The following FAM107B variants were observed in gnomAD, a reference collection of about 807,000 sequenced individuals.
FAM107B encodes the protein family with sequence similarity 107 member B.
A neutral mutation model predicts 31.5 loss-of-function variants in FAM107B; 21 were observed. That is an observed-to-expected ratio of 0.67 (90% CI 0.47 to 0.96). The LOEUF is 0.96. Among genes scored for constraint, FAM107B ranks in the 40% least tolerant of loss-of-function variants. The probability of loss-of-function intolerance (pLI) is 0.00; values close to 1 mark genes in which losing one functional copy is unlikely to be tolerated. For missense variants in FAM107B, 452 were observed against 377.1 expected (o/e 1.20, Z -1.64); for synonymous variants, 157 against 141.5 (o/e 1.11, Z -0.78).
chr10:14,528,173 G>GTT (rs1846517403), intron 3 of FAM107B: 1 of 78,608 alleles, frequency 1.3e-5, no homozygotes, highest in Non-Finnish European at 2.4e-5. Context: ...TTTAAGTTTT[G>GTT]GTTTTTTTTT....
intron 1 of FAM107B, among the ~76,000 whole-genome samples, chr10:14,707,051 G>T (rs1191563044): frequency 1.3e-5 from 2 of 152,042 alleles, no homozygotes; most frequent in African/African-American, 4.8e-5. Flanking sequence ...CTTGAACCCG[G>T]GAAGGCGGAG....
chr10:14,682,868 T>A (rs911490021), intron 1 of FAM107B, among the ~76,000 whole-genome samples: 9 of 151,922 alleles, frequency 5.9e-5, no homozygotes, highest in African/African-American at 1.9e-4. Context: ...TCTGCACATG[T>A]ACCCCATAAC....
intron 1 of FAM107B, among the ~76,000 whole-genome samples, chr10:14,671,891 AAC>A (rs1491533403): frequency 6.7e-5 from 10 of 149,262 alleles, no homozygotes; most frequent in African/African-American, 1.5e-4. Context: ...AAAACAAAAA[AAC>A]AAAAAAAAAA....
At chr10:14,569,363 G>A (rs1053291663) in intron 2 of FAM107B, among the ~76,000 whole-genome samples, 1 of 152,072 alleles carries the variant, frequency 6.6e-6, no homozygotes, top group Non-Finnish European at 1.5e-5. Context: ...GAGGGTACAT[G>A]TTGTGTTGTG....
intron 2 of FAM107B, among the ~76,000 whole-genome samples, chr10:14,657,018 GC>G (rs1322537847): frequency 6.6e-6 from 1 of 152,242 alleles, no homozygotes; most frequent in African/African-American, 2.4e-5. Flanking sequence ...TAAACAGCTT[GC>G]TGCACAGGTG....
At chr10:14,558,599 T>C (rs1033033721) in intron 2 of FAM107B, among the ~76,000 whole-genome samples, 30 of 152,250 alleles carry the variant, frequency 2.0e-4, no homozygotes, top group African/African-American at 7.0e-4. Context: ...GATTTTTTTT[T>C]TTAACTGTAT....
chr10:14,710,731 T>A (rs1021061096), intron 1 of FAM107B, among the ~76,000 whole-genome samples: 5 of 152,008 alleles, frequency 3.3e-5, no homozygotes, highest in African/African-American at 1.2e-4. Flanking sequence ...AAAAAATAAA[T>A]TTTTTTAAAA....
chr10:14,737,404 G>A (rs976554006), intron 1 of FAM107B, among the ~76,000 whole-genome samples: 1 of 152,122 alleles, frequency 6.6e-6, no homozygotes, highest in South Asian at 2.1e-4. Context: ...CCTGAGCTCA[G>A]GAGTTGGGGA....
chr10:14,578,908 G>A (rs1159361813), intron 2 of FAM107B, among the ~76,000 whole-genome samples: 1 of 152,102 alleles, frequency 6.6e-6, no homozygotes, highest in African/African-American at 2.4e-5. Flanking sequence ...TACTCAATCA[G>A]GGTCTCCAAA....
At chr10:14,722,676 G>A (rs1855939424) in intron 1 of FAM107B, among the ~76,000 whole-genome samples, 1 of 151,972 alleles carries the variant, frequency 6.6e-6, no homozygotes, top group South Asian at 2.1e-4. Flanking sequence ...TCTTTTTATT[G>A]TTAAGTTGCC....
Position 14,673,930 on chromosome 10 carries a change from C to T in FAM107B, c.412-6239G>A, listed in dbSNP as rs147578433. On this transcript the variant is annotated intron_variant, in intron 1 of 4. Transcript: ENST00000181796. ...TGTCTTCTTTTGAGAAATGCCTATT[C>T]CAATCTTTTGCCTATTTTTTAATCA... is the stretch of plus-strand genomic sequence containing the variant. Among the ~76,000 whole-genome samples, 17 of 152,128 alleles carry T rather than the reference C, an allele frequency of 1.1e-4. No individual in the cohort carries two copies. The East Asian group carries it at 3.3e-3, about 29-fold the overall frequency.
At chr10:14,763,096 T>A (rs1417550107) in intron 1 of FAM107B, among the ~76,000 whole-genome samples, 2 of 152,110 alleles carry the variant, frequency 1.3e-5, no homozygotes, top group East Asian at 3.9e-4. Context: ...ACCCCATCTC[T>A]ACTGATAATA....
intron 1 of FAM107B, among the ~76,000 whole-genome samples, chr10:14,708,863 G>A (rs1483058079): frequency 7.8e-6 from 1 of 128,768 alleles, no homozygotes. Context: ...TATACAGATG[G>A]AAAATTAGCA....
intron 1 of FAM107B, among the ~76,000 whole-genome samples, chr10:14,680,791 T>A (rs2131494253): frequency 6.6e-6 from 1 of 152,312 alleles, no homozygotes; most frequent in South Asian, 2.1e-4. Context: ...CAGACCTCTC[T>A]GTGAGGTTGG....
chr10:14,687,438 CT>C (rs1855016993), intron 1 of FAM107B, among the ~76,000 whole-genome samples: 1 of 152,136 alleles, frequency 6.6e-6, no homozygotes, highest in African/African-American at 2.4e-5. Flanking sequence ...CAGTATGTAT[CT>C]TTAGAATTTT....
At chr10:14,706,476 C>A (rs942374345) in intron 1 of FAM107B, among the ~76,000 whole-genome samples, 3 of 152,158 alleles carry the variant, frequency 2.0e-5, no homozygotes, top group African/African-American at 7.2e-5. Flanking sequence ...GATCCTCCCA[C>A]CTTAGCCTCC....
intron 1 of FAM107B, among the ~76,000 whole-genome samples, chr10:14,699,010 C>G (rs1038802760): frequency 6.6e-6 from 1 of 152,016 alleles, no homozygotes; most frequent in Non-Finnish European, 1.5e-5. Flanking sequence ...CAGCACAGGT[C>G]TGAGTTGGAG....
intron 2 of FAM107B, among the ~76,000 whole-genome samples, chr10:14,560,163 T>C (rs563058798): frequency 6.6e-6 from 1 of 152,042 alleles, no homozygotes; most frequent in Non-Finnish European, 1.5e-5. Flanking sequence ...CACCATGCTC[T>C]AACACCAACA....
intron 2 of FAM107B, among the ~76,000 whole-genome samples, chr10:14,666,113 T>C (rs867451885): frequency 3.3e-4 from 50 of 152,224 alleles, no homozygotes; most frequent in African/African-American, 1.2e-3. Flanking sequence ...ACTGGTAATG[T>C]CCCTGCTCTC....
Sources: allele counts gnomAD v4.1 joint callset (sites outside exome capture counted in the v4.1 genomes callset), GRCh38; gene constraint gnomAD v4.1.1; transcripts MANE v1.5; gene names NCBI Gene and HGNC (gene_info 2026-07-23, HGNC 2026-07-21).